NUP160: variants seen among roughly 807,000 people sequenced by gnomAD.
NUP160 encodes nucleoporin 160.
Under a neutral mutation model 196.9 loss-of-function variants are expected in NUP160, and 94 were observed. The observed-to-expected ratio is 0.48, with a 90% CI of 0.40 to 0.57. NUP160 has a LOEUF of 0.57. NUP160 is among the 20% of genes least tolerant of loss of function. The probability of loss-of-function intolerance (pLI) is 0.00; values close to 1 mark genes in which losing one functional copy is unlikely to be tolerated. For missense variants in NUP160, 1,638 were observed against 1,748.3 expected (o/e 0.94, Z 1.13); for synonymous variants, 605 against 619.7 (o/e 0.98, Z 0.35).
At chr11:47,844,029 A>G (rs564748966) in intron 2 of NUP160, among the ~76,000 whole-genome samples, 3 of 152,302 alleles carry the variant, frequency 2.0e-5, no homozygotes, top group Admixed American at 6.5e-5. Flanking sequence ...ACATCTCCCT[A>G]ACTTCCAATT....
At chr11:47,848,473 G>C, upstream of NUP160, 2 of 1,370,570 alleles carry the variant, frequency 1.5e-6, no homozygotes, top group South Asian at 2.7e-5. Context: ...TCCACCGGGA[G>C]AATGAGGGTG....
intron 18 of NUP160, among the ~76,000 whole-genome samples, chr11:47,807,389 G>T (rs939631958): frequency 3.9e-5 from 6 of 152,144 alleles, no homozygotes; most frequent in African/African-American, 9.7e-5. Context: ...ATCTCGGCGG[G>T]GTGTGGTGGC....
chr11:47,822,973 T>A (rs1314239828), intron 7 of NUP160, among the ~76,000 whole-genome samples: 1 of 152,222 alleles, frequency 6.6e-6, no homozygotes, highest in African/African-American at 2.4e-5. Flanking sequence ...CTATCATTGA[T>A]GGACACTTGG....
rs1304419916 is a variant in NUP160, at chr11:47,792,253, T to C, written c.3451-263A>G. The C allele has an allele frequency of 2.9e-5, 11 of 382,292 alleles. No homozygotes were observed. In the East Asian group the frequency reaches 5.4e-4, roughly 19 times the overall value. 23.7% of individuals were successfully genotyped at this position (382,292 alleles called of 1,614,324 possible). ...TGTAAATCAACTAATTTTTCTCGGC[T>C]CCAGAGTTATATATAACAGAAACAG... On this transcript the variant is annotated intron_variant, in intron 28 of 35. Coordinates refer to ENST00000378460, the Ensembl canonical transcript of NUP160.
At chr11:47,847,786 C>T in intron 2 of NUP160, 62 bp downstream of exon 2, 2 of 1,158,080 alleles carry the variant, frequency 1.7e-6, no homozygotes, top group Non-Finnish European at 1.3e-6. Flanking sequence ...TTGGGTACAG[C>T]GACGAAAATT....
intron 18 of NUP160, among the ~76,000 whole-genome samples, chr11:47,807,412 T>C (rs1302172949): frequency 6.6e-6 from 1 of 152,156 alleles, no homozygotes; most frequent in African/African-American, 2.4e-5. Flanking sequence ...ATGCCTGTAA[T>C]CCCAGCACTA....
chr11:47,813,476 T>A, intron 13 of NUP160, 61 bp from the exon 14 acceptor site: 1 of 1,065,308 alleles, frequency 9.4e-7, no homozygotes, highest in African/African-American at 1.6e-5. Context: ...TATAAAATAA[T>A]TGAGATGTGC....
intron 17 of NUP160, among the ~76,000 whole-genome samples, chr11:47,810,099 T>G (rs913920335): frequency 6.6e-6 from 1 of 152,104 alleles, no homozygotes; most frequent in Non-Finnish European, 1.5e-5. Context: ...AGAATCTACA[T>G]AGATCAAAAA....
chr11:47,788,350 CA>C (rs1318790468), intron 30 of NUP160, 45 bp from the exon 31 acceptor site: 7 of 1,610,320 alleles, frequency 4.3e-6, no homozygotes, highest in Non-Finnish European at 5.1e-6. Context: ...AAGGTATACA[CA>C]AATGAAACCA....
chr11:47,792,647 G>T (rs1043334136), intron 28 of NUP160, 139 bp downstream of exon 28: 3 of 801,918 alleles, frequency 3.7e-6, no homozygotes, highest in African/African-American at 3.5e-5. Flanking sequence ...TGTAAACATA[G>T]ATTTTTTTCA....
In NUP160 at chr11:47,807,118, A is replaced by G. The variant is rs141856485; in HGVS notation, c.2398T>C (p.Ser800Pro). 182 of 1,612,108 alleles carry G rather than the reference A, an allele frequency of 1.1e-4. 1 individual carries two copies. The African/African-American group carries it at 2.1e-3, about 18-fold the overall frequency. Residue 800 changes from serine (S) to proline (P), a missense_variant, in exon 19 of 36, where the codon TCA (serine) becomes CCA (proline). By Grantham distance (74) the Ser-to-Pro change is moderately conservative (BLOSUM62 -1). Transcript: ENST00000378460. ...CCAGAGTCTGTTAATTCCAGTACTG[A>G]TAAGTGTTGGAGATTAGACTCCCTG...
chr11:47,813,134 G>T, intron 14 of NUP160, 87 bp from the exon 15 acceptor site: 2 of 1,082,820 alleles, frequency 1.8e-6, no homozygotes, highest in South Asian at 1.4e-5. Context: ...ATAATTAAAT[G>T]ACAAGAAATC....
chr11:47,811,251 G>A (rs2097680929), intron 17 of NUP160, among the ~76,000 whole-genome samples: 1 of 152,136 alleles, frequency 6.6e-6, no homozygotes. Flanking sequence ...GCTCATGCCT[G>A]TAATCCCAGC....
At chr11:47,803,231 T>G (rs1037483063) in intron 22 of NUP160, among the ~76,000 whole-genome samples, 1 of 151,592 alleles carries the variant, frequency 6.6e-6, no homozygotes, top group Non-Finnish European at 1.5e-5. Context: ...TATTTTCTTA[T>G]GTTCCTGAGT....
intron 7 of NUP160, among the ~76,000 whole-genome samples, chr11:47,832,661 T>C (rs1039654328): frequency 6.6e-6 from 1 of 152,204 alleles, no homozygotes; most frequent in African/African-American, 2.4e-5. Flanking sequence ...AAACTATCTT[T>C]GAAAAACCCT....
intron 4 of NUP160, chr11:47,839,579 C>T (rs750694235): frequency 4.5e-4 from 201 of 450,284 alleles, no homozygotes; most frequent in Non-Finnish European, 1.0e-4. Flanking sequence ...TCAGGGCAGA[C>T]AATTAGGCAA....
At chr11:47,816,402 T>C (rs1327701995) in intron 11 of NUP160, among the ~76,000 whole-genome samples, 1 of 152,230 alleles carries the variant, frequency 6.6e-6, no homozygotes, top group African/African-American at 2.4e-5. Context: ...GAGGTCAGTC[T>C]AAAATATTCT....
intron 17 of NUP160, among the ~76,000 whole-genome samples, chr11:47,808,732 C>A (rs2097679208): frequency 6.6e-6 from 1 of 152,034 alleles, no homozygotes; most frequent in African/African-American, 2.4e-5. Context: ...AAACAGCTCA[C>A]CAAGTAACGG....
chr11:47,779,186 C>A (rs1312266823), exon 36 of NUP160: 2 of 1,606,350 alleles, frequency 1.2e-6, no homozygotes, highest in African/African-American at 2.7e-5. Context: ...CAAGTATTTT[C>A]TGGGACAGCT....
Sources: allele counts gnomAD v4.1 joint callset (sites outside exome capture counted in the v4.1 genomes callset), GRCh38; gene constraint gnomAD v4.1.1; transcripts MANE v1.5; gene names NCBI Gene and HGNC (gene_info 2026-07-23, HGNC 2026-07-21).